The following CCDC150 variants were observed in gnomAD, a reference collection of about 807,000 sequenced individuals.
CCDC150 encodes the protein coiled-coil domain containing 150.
In CCDC150, 151 loss-of-function variants were observed where a neutral mutation model predicts 156.5. That is an observed-to-expected ratio of 0.97 (90% CI 0.85 to 1.10). The LOEUF is 1.10. Ranked by LOEUF, CCDC150 falls within the 50% of genes least tolerant of loss-of-function variation. CCDC150 has a pLI of 0.00. For missense variants in CCDC150, 1,312 were observed against 1,268.1 expected, an observed-to-expected ratio of 1.03 and a Z score of -0.53; for synonymous variants, 452 against 429.4, an observed-to-expected ratio of 1.05 and a Z score of -0.65.
intron 13 of CCDC150, among the ~76,000 whole-genome samples, chr2:196,685,374 G>A (rs192585488): frequency 3.8e-4 from 58 of 152,090 alleles, no homozygotes; most frequent in African/African-American, 1.3e-3. Context: ...TTCTTACAGC[G>A]TATGCTTTCT....
Position 196,718,540 on chromosome 2 carries a change from C to T in CCDC150, c.1904C>T (p.Ser635Phe), listed in dbSNP as rs1230886931. ...SILERSKEEL[S>F]RTVKCRNAAL... ...CTTGAAAGAAGTAAAGAGGAGCTGT[C>T]CCGAACAGTGAAGTGTCGTAATGCG... is the stretch of plus-strand genomic sequence containing the variant. The change falls in exon 18 of 28, where the codon TCC becomes TTC. Residue 635 changes from serine to phenylalanine, a missense_variant. By Grantham distance (155) the Ser-to-Phe change is radical (BLOSUM62 -2). Transcript: ENST00000389175. 1 of 1,613,262 alleles carries T rather than the reference C, an allele frequency of 6.2e-7. No individual in the cohort carries two copies. The highest frequency in any genetic ancestry group is 1.3e-5 in the African/African-American group (1 of 74,900).
chr2:196,728,821 G>A (rs1533661), intron 22 of CCDC150, among the ~76,000 whole-genome samples: 119,245 of 152,064 alleles, frequency 0.78, 46,968 homozygotes, highest in East Asian at 0.97. Context: ...CTATGAAGTA[G>A]GCTATACACA....
chr2:196,725,275 T>C (rs1370572478), intron 21 of CCDC150, among the ~76,000 whole-genome samples: 1 of 152,190 alleles, frequency 6.6e-6, no homozygotes, highest in Non-Finnish European at 1.5e-5. Flanking sequence ...ATGTTAAAGC[T>C]GGAATAAGCC....
intron 15 of CCDC150, among the ~76,000 whole-genome samples, chr2:196,708,811 C>A (rs549358479): frequency 2.0e-5 from 3 of 152,278 alleles, no homozygotes; most frequent in Admixed American, 6.5e-5. Flanking sequence ...AAATTCTTTT[C>A]TTTAAGAATG....
intron 10 of CCDC150, among the ~76,000 whole-genome samples, chr2:196,675,108 A>G (rs983832571): frequency 6.6e-6 from 1 of 152,154 alleles, no homozygotes; most frequent in Non-Finnish European, 1.5e-5. Flanking sequence ...CCTATTCTGC[A>G]TTCTCTAGTA....
chr2:196,658,564 T>TA (rs1693364053), intron 4 of CCDC150, among the ~76,000 whole-genome samples: 1 of 152,170 alleles, frequency 6.6e-6, no homozygotes, highest in South Asian at 2.1e-4. Flanking sequence ...GTTTATGATA[T>TA]AAAAGAGGAA....
At chr2:196,647,256 A>G (rs1692600915) in intron 2 of CCDC150, among the ~76,000 whole-genome samples, 1 of 152,118 alleles carries the variant, frequency 6.6e-6, no homozygotes. Flanking sequence ...ATTTTCTAAA[A>G]ACATGAATAT....
chr2:196,641,965 A>G (rs542044001), intron 1 of CCDC150, among the ~76,000 whole-genome samples: 58 of 152,266 alleles, frequency 3.8e-4, no homozygotes, highest in African/African-American at 1.4e-3. Flanking sequence ...TACTTGTGAC[A>G]TTGGTCTTTT....
chr2:196,714,856 ATTC>A (rs1270631187), intron 17 of CCDC150, among the ~76,000 whole-genome samples: 2 of 152,200 alleles, frequency 1.3e-5, no homozygotes, highest in Non-Finnish European at 2.9e-5. Context: ...TTAAAATGAT[ATTC>A]TTGTATACTT....
chr2:196,692,868 A>G (rs1428334419), intron 13 of CCDC150, among the ~76,000 whole-genome samples: 2 of 152,154 alleles, frequency 1.3e-5, no homozygotes, highest in South Asian at 4.1e-4. Context: ...CAGATCCTGA[A>G]TATCTTTGTT....
intron 24 of CCDC150, 31 bp downstream of exon 24, chr2:196,729,892 C>T (rs1029769445): frequency 6.2e-7 from 1 of 1,602,786 alleles, no homozygotes; most frequent in African/African-American, 1.3e-5. Context: ...CTGTGTTTAC[C>T]TTTCATGCAA....
rs763271214 is a variant in CCDC150 at position 196,719,676 on chromosome 2, GT to G, written c.2165+18del. ...GCCTCAAGAAAGAAAGGTACCTGTGGTTTTTTTTCCCTGTCATTGGTATTGC... is the reference window on the plus strand; with the variant it reads ...GCCTCAAGAAAGAAAGGTACCTGTGGTTTTTTTCCCTGTCATTGGTATTGC... On this transcript the variant is annotated intron_variant, in intron 19 of 27. Transcript: ENST00000389175. 1.0e-5 allele frequency: 16 copies of G among 1,592,678 alleles called. No homozygotes were observed. Among genetic ancestry groups the G allele is most frequent in the Middle Eastern group, 1.7e-4 (1 of 5,974 alleles).
chr2:196,644,000 G>A (rs1200920309), intron 1 of CCDC150, among the ~76,000 whole-genome samples: 2 of 152,136 alleles, frequency 1.3e-5, no homozygotes, highest in Non-Finnish European at 2.9e-5. Flanking sequence ...GTGATCCTTG[G>A]CTCTTCGTTT....
intron 13 of CCDC150, chr2:196,686,407 C>T (rs1695133263): frequency 6.6e-6 from 1 of 152,514 alleles, no homozygotes; most frequent in Admixed American, 6.5e-5. Context: ...AGTGTTTTAG[C>T]TATTTTAGTT....
chr2:196,656,576 G>T (rs1447069555), intron 2 of CCDC150, 57 bp from the exon 3 acceptor site: 2 of 1,212,324 alleles, frequency 1.6e-6, no homozygotes, highest in South Asian at 1.4e-5. Flanking sequence ...CAGTTTTTGG[G>T]ATTACCATAG....
At chr2:196,731,645 A>G (rs1698529923) in intron 26 of CCDC150, among the ~76,000 whole-genome samples, 1 of 151,960 alleles carries the variant, frequency 6.6e-6, no homozygotes, top group Non-Finnish European at 1.5e-5. Flanking sequence ...TTGGCCTCCC[A>G]AAGTGCTGTG....
rs764146842 is a variant in CCDC150 at position 196,718,512 on chromosome 2, A to G, written c.1876A>G (p.Ile626Val). The change falls in exon 18 of 28, where the codon ATT (isoleucine) becomes GTT (valine). Residue 626 changes from isoleucine to valine, a missense_variant. Ile to Val is a conservative substitution (Grantham distance 29). Coordinates refer to ENST00000389175, the MANE Select transcript of CCDC150 (RefSeq NM_001080539.2). ...ADAHLKEVKS[I>V]LERSKEELSR... ...CTTTTTTCCTACTTAGGTGAAATCTATTCTTGAAAGAAGTAAAGAGGAGCT... is the reference window on the plus strand; with the variant it reads ...CTTTTTTCCTACTTAGGTGAAATCTGTTCTTGAAAGAAGTAAAGAGGAGCT... 5.0e-6 allele frequency: 8 copies of G among 1,609,486 alleles called. No homozygotes were observed. The highest frequency in any genetic ancestry group is 2.2e-5 in the East Asian group (1 of 44,822).
rs533205171 is a variant in CCDC150 at position 196,732,040 on chromosome 2, C to G, written c.3077C>G (p.Ala1026Gly). The G allele has an allele frequency of 6.2e-7, 1 of 1,613,650 alleles. No homozygotes were observed. Among genetic ancestry groups the G allele is most frequent in the South Asian group, 1.1e-5 (1 of 91,058 alleles). The change falls in exon 27 of 28, where the codon GCT (alanine) becomes GGT (glycine). Residue 1026 changes from alanine (A) to glycine (G), a missense_variant. Coordinates refer to ENST00000389175, the MANE Select transcript of CCDC150 (RefSeq NM_001080539.2). The part of the protein sequence containing the change: ...EASVESEQIT[A>G]NLEEAHRWFK... ...TGATATTTATATGTTCAGATAACAGCTAATCTGGAAGAAGCTCATCGCTGG... is the reference window on the plus strand; with the variant it reads ...TGATATTTATATGTTCAGATAACAGGTAATCTGGAAGAAGCTCATCGCTGG...
intron 17 of CCDC150, among the ~76,000 whole-genome samples, chr2:196,717,006 G>A (rs1380026920): frequency 2.0e-5 from 3 of 151,044 alleles, no homozygotes; most frequent in Non-Finnish European, 4.4e-5. Context: ...AATTACAGGC[G>A]CCCGCCACCA....
Sources: gnomAD v4.1 joint callset for allele counts (sites outside exome capture counted in the v4.1 genomes callset) on GRCh38, gnomAD v4.1.1 for gene constraint, MANE v1.5 for transcripts, NCBI Gene and HGNC (gene_info 2026-07-23, HGNC 2026-07-21) for gene names.